The following YWHAQ variants were observed in gnomAD, a reference collection of about 807,000 sequenced individuals.
YWHAQ encodes the protein tyrosine 3-monooxygenase/tryptophan 5-monooxygenase activation protein theta.
YWHAQ carries 6 observed loss-of-function variants against 28.3 expected under a neutral mutation model. The observed-to-expected ratio is 0.21, with a 90% CI of 0.12 to 0.42. YWHAQ has a LOEUF of 0.42. YWHAQ is among the 10% of genes least tolerant of loss of function. The pLI, the probability that YWHAQ is intolerant of heterozygous loss-of-function variation, is 1.00. For missense variants in YWHAQ, 201 were observed against 305.6 expected, an observed-to-expected ratio of 0.66 and a Z score of 2.55; for synonymous variants, 143 against 119.1, an observed-to-expected ratio of 1.20 and a Z score of -1.31.
At chr2:9,610,797 C>T (rs1666931654) in intron 2 of YWHAQ, among the ~76,000 whole-genome samples, 1 of 152,234 alleles carries the variant, frequency 6.6e-6, no homozygotes, top group Admixed American at 6.5e-5. Context: ...CATGAGCCAC[C>T]GCACCCTGCC....
At chr2:9,622,236 C>T (rs756552178) in intron 2 of YWHAQ, among the ~76,000 whole-genome samples, 18 of 151,466 alleles carry the variant, frequency 1.2e-4, no homozygotes, top group Non-Finnish European at 2.1e-4. Flanking sequence ...CCAATCTCTG[C>T]CTATTCTCCC....
chr2:9,609,823 C>T (rs75227509), intron 2 of YWHAQ, among the ~76,000 whole-genome samples: 430 of 152,200 alleles, frequency 2.8e-3, no homozygotes, highest in Middle Eastern at 0.02. Flanking sequence ...AACATAAAGA[C>T]GTTTCCAGAA....
intron 2 of YWHAQ, among the ~76,000 whole-genome samples, chr2:9,603,556 T>C (rs886749180): frequency 6.6e-5 from 10 of 151,766 alleles, no homozygotes; most frequent in African/African-American, 1.7e-4. Flanking sequence ...ATTACGGGCA[T>C]GAGCCACCAT....
chr2:9,594,139 C>T (rs916527444), intron 2 of YWHAQ, among the ~76,000 whole-genome samples: 10 of 151,908 alleles, frequency 6.6e-5, no homozygotes, highest in Non-Finnish European at 1.3e-4. Flanking sequence ...TCATTAGGGC[C>T]ACACCCAAAT....
At chr2:9,588,006 T>TAGGA (rs1250042007) in intron 4 of YWHAQ, among the ~76,000 whole-genome samples, 159 bp downstream of exon 4, 1 of 152,076 alleles carries the variant, frequency 6.6e-6, no homozygotes, top group Non-Finnish European at 1.5e-5. Context: ...GTGTCAGGGG[T>TAGGA]AGGAGTAGGT....
intron 2 of YWHAQ, among the ~76,000 whole-genome samples, chr2:9,597,258 T>C (rs940759125): frequency 6.6e-6 from 1 of 152,200 alleles, no homozygotes; most frequent in African/African-American, 2.4e-5. Flanking sequence ...AAGTTGATCA[T>C]ATAACATCAA....
intron 3 of YWHAQ, 116 bp from the exon 4 acceptor site, chr2:9,588,444 T>A: frequency 8.1e-7 from 1 of 1,227,300 alleles, no homozygotes; most frequent in Non-Finnish European, 1.1e-6. Context: ...TTTTTCTCTG[T>A]ATGGGTCTTT....
At chr2:9,612,182 A>G (rs1360334047) in intron 2 of YWHAQ, among the ~76,000 whole-genome samples, 1 of 152,124 alleles carries the variant, frequency 6.6e-6, no homozygotes. Context: ...TCTATTACCC[A>G]AGTTAACTGT....
chr2:9,612,780 G>T (rs1666974757), intron 2 of YWHAQ, among the ~76,000 whole-genome samples: 1 of 152,144 alleles, frequency 6.6e-6, no homozygotes, highest in African/African-American at 2.4e-5. Context: ...AGCCACCCGA[G>T]CCCATGAGTA....
In YWHAQ at chr2:9,588,264, T is replaced by G. The variant is rs780502121; in HGVS notation, c.483A>C (p.Gln161His). 6.2e-7 allele frequency: 1 copy of G among 1,609,874 alleles called. No homozygotes were observed. The highest frequency in any genetic ancestry group is 2.2e-5 in the East Asian group (1 of 44,806). Reference protein sequence around the residue: ...EAFDISKKEMQPTHPIRLGLA... With the variant: ...EAFDISKKEMHPTHPIRLGLA... ...GCCCCAGGCGGATTGGGTGTGTGGG[T>G]TGCATCTCTTTCTTGCTTATATCAA... The change falls in exon 4 of 6, where the codon CAA becomes CAC. Residue 161 changes from glutamine to histidine, a missense_variant. Gln to His is a conservative substitution (Grantham distance 24, BLOSUM62 0). This residue lies in a region of YWHAQ where 162 missense variants were observed against 213.9 expected (regional missense o/e 0.76). Transcript: ENST00000238081.
intron 2 of YWHAQ, among the ~76,000 whole-genome samples, chr2:9,598,729 T>G (rs1447086251): frequency 6.6e-6 from 1 of 152,246 alleles, no homozygotes; most frequent in East Asian, 1.9e-4. Flanking sequence ...GTGTCTGTTC[T>G]GACTGCTCCA....
intron 2 of YWHAQ, among the ~76,000 whole-genome samples, chr2:9,595,220 C>A (rs775524504): frequency 6.0e-4 from 92 of 152,174 alleles, no homozygotes; most frequent in Non-Finnish European, 9.9e-4. Context: ...AACTAAAAGA[C>A]ATAATGGAGT....
chr2:9,603,847 C>T (rs1666763968), intron 2 of YWHAQ, among the ~76,000 whole-genome samples: 1 of 152,052 alleles, frequency 6.6e-6, no homozygotes, highest in African/African-American at 2.4e-5. Context: ...ATCTCTTTAA[C>T]CCAGGAGGAG....
In YWHAQ at chr2:9,587,542, T is replaced by C. The variant is rs758347067; in HGVS notation, c.583-33A>G. On this transcript the variant is annotated intron_variant, in intron 4 of 5. Coordinates refer to ENST00000238081, the MANE Select transcript of YWHAQ (RefSeq NM_006826.4). ...ATATTAATATCCATGGTAAAATATG[T>C]GCATTGACGAAAACTGGTTATTCTA... 3.2e-6 allele frequency: 5 copies of C among 1,550,572 alleles called. No individual in the cohort carries two copies. The South Asian group carries it at 4.8e-5, about 15-fold the overall frequency.
intron 2 of YWHAQ, among the ~76,000 whole-genome samples, chr2:9,600,882 C>T (rs1167366999): frequency 6.6e-6 from 1 of 152,114 alleles, no homozygotes; most frequent in African/African-American, 2.4e-5. Context: ...CTTCTAAAGG[C>T]TTAGATGATC....
At chr2:9,588,420 G>A (rs1666389804) in intron 3 of YWHAQ, 92 bp from the exon 4 acceptor site, 2 of 1,426,302 alleles carry the variant, frequency 1.4e-6, no homozygotes, top group African/African-American at 1.5e-5. Flanking sequence ...ACTAGCTCTT[G>A]GTAGAACCAA....
rs192188345 is a variant in YWHAQ at position 9,588,820 on chromosome 2, G to C, written c.419-492C>G. Among the ~76,000 whole-genome samples, 33 of 152,050 alleles carry C rather than the reference G, an allele frequency of 2.2e-4. No individual in the cohort carries two copies. In the East Asian group the frequency reaches 6.0e-3, roughly 28 times the overall value. On this transcript the variant is annotated intron_variant, in intron 3 of 5. Coordinates refer to ENST00000238081, the MANE Select transcript of YWHAQ (RefSeq NM_006826.4). ...TTGTGTACTGGGTATTTAAGAACTT[G>C]TTTATGGCCAGGTGCAGTGGCTCAT...
intron 2 of YWHAQ, among the ~76,000 whole-genome samples, chr2:9,613,534 G>A (rs763207369): frequency 5.3e-5 from 8 of 152,174 alleles, no homozygotes; most frequent in African/African-American, 1.2e-4. Flanking sequence ...AAACCCACAG[G>A]ATAAACAGGC....
chr2:9,607,711 CTTTTTTT>C (rs34963513), intron 2 of YWHAQ, among the ~76,000 whole-genome samples: 7 of 128,672 alleles, frequency 5.4e-5, no homozygotes, highest in African/African-American at 1.5e-4. Flanking sequence ...AATTCTTCCT[CTTTTTTT>C]TTTTTTTTTT....
Sources: gnomAD v4.1 joint callset for allele counts (sites outside exome capture counted in the v4.1 genomes callset) on GRCh38, gnomAD v4.1.1 for gene constraint, gnomAD v4.1.1 regional missense constraint, MANE v1.5 for transcripts, NCBI Gene and HGNC (gene_info 2026-07-23, HGNC 2026-07-21) for gene names.